SLC13A3: variants seen among roughly 807,000 people sequenced by gnomAD.
SLC13A3 encodes Na(+)/dicarboxylate cotransporter 3.
Under a neutral mutation model 59.0 loss-of-function variants are expected in SLC13A3, and 40 were observed. That is an observed-to-expected ratio of 0.68 (90% CI 0.53 to 0.88). The LOEUF (loss-of-function observed/expected upper bound fraction) is 0.88, where lower values mean the gene tolerates loss of function less well. Among genes scored for constraint, SLC13A3 ranks in the 40% least tolerant of loss-of-function variants. The pLI, the probability that SLC13A3 is intolerant of heterozygous loss-of-function variation, is 0.00. For missense variants in SLC13A3, 699 were observed against 783.2 expected (o/e 0.89, Z 1.28); for synonymous variants, 317 against 330.3 (o/e 0.96, Z 0.44).
chr20:46,596,423 G>A, intron 4 of SLC13A3, 81 bp from the exon 5 acceptor site: 2 of 1,290,142 alleles, frequency 1.6e-6, no homozygotes, highest in African/African-American at 1.5e-5. Context: ...GGAGCTAAGT[G>A]ATCTTTCTAG....
chr20:46,568,351 T>A lies in SLC13A3; in HGVS notation c.1333-1961A>T, dbSNP rs945833023. On this transcript the variant is annotated intron_variant, in intron 10 of 12. Transcript: ENST00000279027. Reference sequence around the variant, plus strand: ...AAGCGGAGGTTGCAGTGAGCTGAGATCACGCCACCGCACTCCAGTCTGGGT... The same window carrying A: ...AAGCGGAGGTTGCAGTGAGCTGAGAACACGCCACCGCACTCCAGTCTGGGT... Among the ~76,000 whole-genome samples, 3 of 124,892 alleles carry A rather than the reference T, an allele frequency of 2.4e-5. No homozygotes were observed. The East Asian group carries it at 7.4e-4, about 31-fold the overall frequency. 81.9% of individuals were successfully genotyped at this position (124,892 alleles called of 152,430 possible).
intron 1 of SLC13A3, among the ~76,000 whole-genome samples, chr20:46,621,447 G>T (rs2062613194): frequency 6.6e-6 from 1 of 152,180 alleles, no homozygotes; most frequent in Non-Finnish European, 1.5e-5. Flanking sequence ...CTTAAGGATG[G>T]ATTAAATAGC....
upstream of SLC13A3, among the ~76,000 whole-genome samples, chr20:46,675,125 G>A (rs1273522535): frequency 6.6e-6 from 1 of 152,124 alleles, no homozygotes; most frequent in Non-Finnish European, 1.5e-5. Flanking sequence ...AGCCCAGTGT[G>A]GCTGACCCAG....
intron 1 of SLC13A3, among the ~76,000 whole-genome samples, chr20:46,646,392 A>G (rs922201040): frequency 1.3e-5 from 2 of 152,220 alleles, no homozygotes; most frequent in Non-Finnish European, 2.9e-5. Flanking sequence ...ATGAGCTGAA[A>G]TTTGAGATGC....
intron 1 of SLC13A3, among the ~76,000 whole-genome samples, chr20:46,680,287 C>T (rs989946383): frequency 6.6e-6 from 1 of 152,164 alleles, no homozygotes; most frequent in African/African-American, 2.4e-5. Flanking sequence ...ACAAATGGAG[C>T]TGTATTATAA....
At chr20:46,572,960 T>G (rs1375286658) in intron 10 of SLC13A3, among the ~76,000 whole-genome samples, 1 of 152,092 alleles carries the variant, frequency 6.6e-6, no homozygotes, top group Non-Finnish European at 1.5e-5. Context: ...CAGGAGGCAA[T>G]AGCATAAGTC....
intron 1 of SLC13A3, among the ~76,000 whole-genome samples, chr20:46,640,698 C>A (rs999758558): frequency 3.3e-5 from 5 of 152,172 alleles, no homozygotes; most frequent in Non-Finnish European, 7.4e-5. Flanking sequence ...TGTGGCTCTT[C>A]CCAAGTCCCC....
chr20:46,628,724 C>G (rs1408196989), intron 1 of SLC13A3, among the ~76,000 whole-genome samples: 1 of 152,206 alleles, frequency 6.6e-6, no homozygotes, highest in Non-Finnish European at 1.5e-5. Flanking sequence ...TAACATCAAA[C>G]AAAATTTAAA....
intron 12 of SLC13A3, 72 bp downstream of exon 12, chr20:46,563,342 A>T: frequency 6.4e-7 from 1 of 1,557,204 alleles, no homozygotes; most frequent in Non-Finnish European, 8.7e-7. Context: ...GGAGTCCTGC[A>T]TAGAGGCCTT....
upstream of SLC13A3, among the ~76,000 whole-genome samples, chr20:46,655,147 T>C (rs1314506342): frequency 1.3e-5 from 2 of 152,060 alleles, no homozygotes; most frequent in African/African-American, 4.8e-5. Flanking sequence ...TGATATGTCT[T>C]GGTGTGGATT....
chr20:46,599,880 T>C (rs578021560), intron 4 of SLC13A3, 91 bp downstream of exon 4: 21 of 985,842 alleles, frequency 2.1e-5, no homozygotes, highest in African/African-American at 4.9e-5. Flanking sequence ...AATTCAGGGA[T>C]GGGAGGAAAA....
chr20:46,588,065 T>C lies in SLC13A3; in HGVS notation c.1115A>G (p.Asn372Ser), dbSNP rs1287807284. The part of the protein sequence containing the change: ...KFIPGWASLF[N>S]PGFLSDAVTG... Reference sequence around the variant, plus strand: ...TGGGTCCCCAGAGTCTCACCCAGGATTGAAGAGGCTGGCCCAGCCAGGGAT... The same window carrying C: ...TGGGTCCCCAGAGTCTCACCCAGGACTGAAGAGGCTGGCCCAGCCAGGGAT... The change falls in exon 8 of 13, where the codon AAT becomes AGT. Residue 372 changes from asparagine (N) to serine (S), a missense_variant. Asn to Ser is a conservative substitution (Grantham distance 46). Coordinates refer to ENST00000279027, the MANE Select transcript of SLC13A3 (RefSeq NM_022829.6). 1.3e-6 allele frequency: 2 copies of C among 1,598,358 alleles called. No individual in the cohort carries two copies. Among genetic ancestry groups the C allele is most frequent in the Non-Finnish European group, 8.6e-7 (1 of 1,168,162 alleles).
intron 8 of SLC13A3, chr20:46,584,337 A>C (rs2146115130): frequency 2.0e-6 from 2 of 985,442 alleles, no homozygotes; most frequent in Middle Eastern, 1.0e-3. Flanking sequence ...ATACCCTGTA[A>C]ATTGTATTTT....
intron 1 of SLC13A3, among the ~76,000 whole-genome samples, chr20:46,650,189 TCA>T (rs913324146): frequency 6.6e-6 from 1 of 152,068 alleles, no homozygotes; most frequent in Non-Finnish European, 1.5e-5. Context: ...AGTGTTGATT[TCA>T]GTTATGACTC....
At chr20:46,669,926 G>A (rs1363230199) in intron 1 of SLC13A3, 1 of 152,134 alleles carries the variant, frequency 6.6e-6, no homozygotes, top group African/African-American at 2.4e-5. Context: ...ATCATCGTAA[G>A]TTAAGAAGTA....
At chr20:46,571,709 G>GATGTGGT (rs2062029441) in intron 10 of SLC13A3, among the ~76,000 whole-genome samples, 1 of 152,120 alleles carries the variant, frequency 6.6e-6, no homozygotes, top group Non-Finnish European at 1.5e-5. Flanking sequence ...TTGGGGGGTA[G>GATGTGGT]ATGTGGTATA....
intron 1 of SLC13A3, among the ~76,000 whole-genome samples, chr20:46,636,559 A>G (rs747139345): frequency 3.3e-5 from 5 of 152,126 alleles, no homozygotes; most frequent in Non-Finnish European, 5.9e-5. Flanking sequence ...ACCTCTCACT[A>G]TTTGGAGGGC....
At chr20:46,561,516 G>C (rs1196131594) in intron 12 of SLC13A3, among the ~76,000 whole-genome samples, 1 of 152,134 alleles carries the variant, frequency 6.6e-6, no homozygotes, top group Non-Finnish European at 1.5e-5. Context: ...GCTGCTATCA[G>C]GGAGAGCTTA....
chr20:46,572,053 A>G (rs1284132520), intron 10 of SLC13A3, among the ~76,000 whole-genome samples: 3 of 152,086 alleles, frequency 2.0e-5, no homozygotes, highest in Non-Finnish European at 4.4e-5. Context: ...AGTCATGACT[A>G]TACGGTTTTG....
Sources: gnomAD v4.1 joint callset for allele counts (sites outside exome capture counted in the v4.1 genomes callset) on GRCh38, gnomAD v4.1.1 for gene constraint, MANE v1.5 for transcripts, NCBI Gene and HGNC (gene_info 2026-07-23, HGNC 2026-07-21) for gene names.